TMEM117: variants seen among roughly 807,000 people sequenced by gnomAD.
TMEM117 encodes the protein transmembrane protein 117.
In TMEM117, 27 loss-of-function variants were observed where a neutral mutation model predicts 52.4. The ratio of observed to expected loss-of-function variants is 0.51; its 90% CI spans 0.38 to 0.71. The LOEUF is 0.71. Ranked by LOEUF, TMEM117 falls within the 30% of genes least tolerant of loss-of-function variation. The pLI is 0.00. For synonymous variants in TMEM117, 215 were observed against 206.3 expected (o/e 1.04, Z -0.36); for missense variants, 556 against 630.5 (o/e 0.88, Z 1.26).
intron 4 of TMEM117, among the ~76,000 whole-genome samples, chr12:44,188,947 G>T (rs1230396913): frequency 6.6e-6 from 1 of 152,034 alleles, no homozygotes; most frequent in Middle Eastern, 3.2e-3. Flanking sequence ...GTACATAATA[G>T]ATGTACATAT....
chr12:44,388,156 G>T lies in TMEM117; in HGVS notation c.1029G>T (p.Val343=). The T allele has an allele frequency of 6.2e-7, 1 of 1,613,256 alleles. No individual in the cohort carries two copies. Among genetic ancestry groups the T allele is most frequent in the East Asian group, 2.2e-5 (1 of 44,786 alleles). The change falls in exon 8 of 8, where the codon GTG becomes GTT. Residue 343 remains valine, a synonymous_variant. Transcript: ENST00000266534. Reference sequence around the variant, plus strand: ...GCCCGGGGCAGAAGATATATACAGTGAAAGACTCAGAAAGTTTAAAAGATT... The same window carrying T: ...GCCCGGGGCAGAAGATATATACAGTTAAAGACTCAGAAAGTTTAAAAGATT... ...YIGPGQKIYT[V]KDSESLKDLN...
At chr12:44,251,988 T>C (rs1300640567) in intron 5 of TMEM117, among the ~76,000 whole-genome samples, 1 of 152,106 alleles carries the variant, frequency 6.6e-6, no homozygotes, top group Non-Finnish European at 1.5e-5. Context: ...AAAAATTGCG[T>C]ACTTCTTAGC....
chr12:44,120,406 AC>A (rs2138136005), intron 3 of TMEM117, among the ~76,000 whole-genome samples: 1 of 152,294 alleles, frequency 6.6e-6, no homozygotes, highest in East Asian at 1.9e-4. Flanking sequence ...TATAAGGTTC[AC>A]CAGGTACAGA....
At chr12:44,391,861 T>C (rs2138883677), downstream of TMEM117, among the ~76,000 whole-genome samples, 1 of 152,228 alleles carries the variant, frequency 6.6e-6, no homozygotes, top group South Asian at 2.1e-4. Context: ...GTATTATGCT[T>C]ATATTGGTTT....
intron 4 of TMEM117, among the ~76,000 whole-genome samples, chr12:44,169,739 G>A (rs1454794655): frequency 3.3e-5 from 5 of 152,048 alleles, no homozygotes; most frequent in African/African-American, 1.2e-4. Flanking sequence ...ACTTTTGGTA[G>A]TATATCAAGA....
intron 3 of TMEM117, among the ~76,000 whole-genome samples, chr12:43,960,598 G>T (rs1261565138): frequency 1.3e-5 from 2 of 152,032 alleles, no homozygotes; most frequent in Non-Finnish European, 2.9e-5. Context: ...TACCTATTCA[G>T]AATGAACACT....
intron 4 of TMEM117, among the ~76,000 whole-genome samples, chr12:44,180,469 C>T (rs1215930964): frequency 6.7e-6 from 1 of 150,304 alleles, no homozygotes; most frequent in African/African-American, 2.4e-5. Context: ...CGTCATCTAG[C>T]ATTAGGTATA....
At chr12:44,384,914 A>T (rs1372822354) in intron 7 of TMEM117, among the ~76,000 whole-genome samples, 28 of 152,162 alleles carry the variant, frequency 1.8e-4, no homozygotes. Flanking sequence ...CTCACAAATA[A>T]TCCTTTGAGG....
chr12:43,972,416 A>G (rs1027517366), intron 3 of TMEM117, among the ~76,000 whole-genome samples: 4 of 152,188 alleles, frequency 2.6e-5, no homozygotes, highest in African/African-American at 7.2e-5. Context: ...CATGGACCCA[A>G]AGAGTGAGCA....
At chr12:44,047,828 A>C (rs1271401200) in intron 3 of TMEM117, among the ~76,000 whole-genome samples, 1 of 152,118 alleles carries the variant, frequency 6.6e-6, no homozygotes, top group African/African-American at 2.4e-5. Context: ...AGTGAAACTG[A>C]GTTGAAATTT....
chr12:44,193,272 C>T (rs1565575706), intron 4 of TMEM117, among the ~76,000 whole-genome samples: 1 of 152,136 alleles, frequency 6.6e-6, no homozygotes, highest in Non-Finnish European at 1.5e-5. Flanking sequence ...GCAACAGCAA[C>T]AATTTCCCAA....
At chr12:44,221,411 C>T (rs1949786896) in intron 5 of TMEM117, among the ~76,000 whole-genome samples, 1 of 152,086 alleles carries the variant, frequency 6.6e-6, no homozygotes, top group African/African-American at 2.4e-5. Context: ...AGTGTGTGTG[C>T]CCTAGCATAA....
intron 3 of TMEM117, among the ~76,000 whole-genome samples, chr12:44,095,920 T>C (rs1232939291): frequency 6.6e-6 from 1 of 152,078 alleles, no homozygotes; most frequent in Non-Finnish European, 1.5e-5. Context: ...AAAGAGGAAG[T>C]CAAATTGTCC....
At chr12:44,355,697 C>A (rs148503685) in intron 6 of TMEM117, among the ~76,000 whole-genome samples, 50 of 152,150 alleles carry the variant, frequency 3.3e-4, no homozygotes, top group Non-Finnish European at 5.9e-4. Flanking sequence ...CCTAAAGCAT[C>A]CTTTACCAAA....
chr12:44,347,731 G>A (rs2138769723), intron 6 of TMEM117, among the ~76,000 whole-genome samples: 1 of 152,144 alleles, frequency 6.6e-6, no homozygotes, highest in East Asian at 1.9e-4. Context: ...GGGTCAAAAT[G>A]AGAGGGCAGC....
chr12:43,895,700 T>C (rs1944188930), intron 2 of TMEM117, among the ~76,000 whole-genome samples: 1 of 152,208 alleles, frequency 6.6e-6, no homozygotes, highest in Non-Finnish European at 1.5e-5. Flanking sequence ...TTATCAGATC[T>C]GGTGCTACAA....
chr12:44,353,160 A>C (rs1473492379), intron 6 of TMEM117, among the ~76,000 whole-genome samples: 9 of 151,784 alleles, frequency 5.9e-5, no homozygotes, highest in African/African-American at 1.9e-4. Context: ...TTTTTCTTGT[A>C]AATTTGTTTG....
At chr12:44,352,883 A>G (rs1219074276) in intron 6 of TMEM117, among the ~76,000 whole-genome samples, 4 of 152,126 alleles carry the variant, frequency 2.6e-5, no homozygotes, top group Non-Finnish European at 4.4e-5. Context: ...TGTCTTCCAC[A>G]ATGGTTGAAC....
the TMEM117 span, among the ~76,000 whole-genome samples, chr12:44,398,322 C>T: frequency 6.6e-6 from 1 of 152,118 alleles, no homozygotes; most frequent in Non-Finnish European, 1.5e-5. Context: ...GCAGCAGACA[C>T]TGCTGGAGCT....
Sources: allele counts gnomAD v4.1 joint callset (sites outside exome capture counted in the v4.1 genomes callset), GRCh38; gene constraint gnomAD v4.1.1; transcripts MANE v1.5; gene names NCBI Gene and HGNC (gene_info 2026-07-23, HGNC 2026-07-21).